The following RGS12 variants were observed in gnomAD, a reference collection of about 807,000 sequenced individuals.
RGS12 encodes regulator of G protein signaling 12.
RGS12 carries 66 observed loss-of-function variants against 120.1 expected under a neutral mutation model. The ratio of observed to expected loss-of-function variants is 0.55; its 90% confidence interval spans 0.45 to 0.67. The LOEUF (loss-of-function observed/expected upper bound fraction) is 0.67, where lower values mean the gene tolerates loss of function less well. RGS12 is among the 30% of genes least tolerant of loss of function. RGS12 has a pLI of 0.00. For synonymous variants in RGS12, 827 were observed against 804.7 expected, an observed-to-expected ratio of 1.03 and a Z score of -0.47; for missense variants, 1,859 against 1,957.7, an observed-to-expected ratio of 0.95 and a Z score of 0.95.
At chr4:3,432,202 T>A in intron 17 of RGS12, 1 of 972,124 alleles carries the variant, frequency 1.0e-6, no homozygotes, top group Middle Eastern at 5.3e-4. Flanking sequence ...TTCTTTCTCA[T>A]TTGAAACTTT....
chr4:3,355,146 G>C (rs74760030), intron 3 of RGS12, among the ~76,000 whole-genome samples: 4,894 of 152,202 alleles, frequency 0.032, 240 homozygotes, highest in African/African-American at 0.11. Context: ...ATTTGAAAAT[G>C]AATCAATTTA....
upstream of RGS12, among the ~76,000 whole-genome samples, chr4:3,291,329 G>A (rs941489831): frequency 1.3e-5 from 2 of 151,028 alleles, no homozygotes; most frequent in East Asian, 2.0e-4. Context: ...CCAGGGTGGG[G>A]GCAGTTTCTT....
intron 9 of RGS12, chr4:3,420,364 C>T (rs985628494): frequency 1.9e-6 from 1 of 539,170 alleles, no homozygotes. Flanking sequence ...ATGAGCCAAG[C>T]ATGTTTTGGA....
chr4:3,317,520 C>T lies in RGS12; in HGVS notation c.1350C>T (p.His450=), dbSNP rs544045045. ...ACCTGGGTGGGAGCTCGAGCAGACA[C>T]GGCCCCGGAGGCAGCGCGTGGGACG... The part of the protein sequence containing the change: ...VVDLGGSSSR[H]GPGGSAWDGV... Residue 450 remains histidine (H), a synonymous_variant, in exon 2 of 18, where the codon CAC becomes CAT. Coordinates refer to ENST00000336727, the MANE Select transcript of RGS12 (RefSeq NM_001394154.1). 2.6e-5 allele frequency: 42 copies of T among 1,612,106 alleles called. No individual in the cohort carries two copies. Among genetic ancestry groups the T allele is most frequent in the African/African-American group, 5.3e-5 (4 of 74,938 alleles).
intron 2 of RGS12, among the ~76,000 whole-genome samples, chr4:3,323,817 C>T (rs1014220286): frequency 6.7e-6 from 1 of 149,888 alleles, no homozygotes; most frequent in African/African-American, 2.5e-5. Context: ...AATTGCTCAC[C>T]AAAGAGGTTT....
At chr4:3,383,556 A>G (rs368096367) in intron 3 of RGS12, among the ~76,000 whole-genome samples, 17 of 152,150 alleles carry the variant, frequency 1.1e-4, no homozygotes, top group African/African-American at 3.6e-4. Context: ...GCAATGAGCC[A>G]TCATTATGCC....
At chr4:3,302,763 G>C (rs1194758252) in intron 1 of RGS12, among the ~76,000 whole-genome samples, 1 of 152,202 alleles carries the variant, frequency 6.6e-6, no homozygotes, top group East Asian at 1.9e-4. Flanking sequence ...GAGGCTGGGG[G>C]TGTTGGAGGA....
At chr4:3,335,295 G>A (rs958922616) in intron 2 of RGS12, among the ~76,000 whole-genome samples, 5 of 152,144 alleles carry the variant, frequency 3.3e-5, no homozygotes, top group Admixed American at 6.5e-5. Flanking sequence ...AACCATTGCT[G>A]TAAGTTTGTC....
At chr4:3,423,683 T>G in intron 13 of RGS12, 42 bp downstream of exon 13, 1 of 1,580,816 alleles carries the variant, frequency 6.3e-7, no homozygotes, top group African/African-American at 1.3e-5. Flanking sequence ...CCGCAGGCAC[T>G]GTCTGTTCCC....
intron 17 of RGS12, among the ~76,000 whole-genome samples, chr4:3,438,747 G>A (rs777014203): frequency 3.0e-4 from 45 of 152,262 alleles, no homozygotes; most frequent in Non-Finnish European, 4.7e-4. Context: ...TTCCAAGGCC[G>A]GTTCAGGCAG....
At chr4:3,332,269 G>A (rs553786076) in intron 2 of RGS12, among the ~76,000 whole-genome samples, 19 of 152,286 alleles carry the variant, frequency 1.2e-4, no homozygotes, top group South Asian at 2.1e-4. Context: ...AATCGGTGGC[G>A]GTGTATTGAT....
intron 3 of RGS12, among the ~76,000 whole-genome samples, chr4:3,343,737 C>T (rs1281133474): frequency 6.6e-6 from 1 of 152,086 alleles, no homozygotes; most frequent in Non-Finnish European, 1.5e-5. Context: ...TGGAAATCCT[C>T]TATGCCCCAC....
chr4:3,358,598 C>G (rs1715116846), intron 3 of RGS12, among the ~76,000 whole-genome samples: 1 of 151,706 alleles, frequency 6.6e-6, no homozygotes, highest in South Asian at 2.1e-4. Flanking sequence ...GTGATTTTCC[C>G]TCTTAATTTT....
chr4:3,360,809 G>C (rs1314632867), intron 3 of RGS12, among the ~76,000 whole-genome samples: 1 of 152,146 alleles, frequency 6.6e-6, no homozygotes, highest in East Asian at 1.9e-4. Context: ...AAAGGCCGAC[G>C]GACCCTGAGA....
chr4:3,324,482 G>A (rs756756180), intron 2 of RGS12: 3 of 217,522 alleles, frequency 1.4e-5, no homozygotes, highest in South Asian at 1.2e-4. Context: ...GTGGGCCAGC[G>A]TACGCCATTG....
At position 3,389,618 on chromosome 4, in the gene RGS12, C is replaced by T. The variant is rs1256691151; in HGVS notation, c.2020+3181C>T. Among the ~76,000 whole-genome samples, 1 of 152,220 alleles carries T rather than the reference C, an allele frequency of 6.6e-6. No individual in the cohort carries two copies. Among genetic ancestry groups the T allele is most frequent in the Non-Finnish European group, 1.5e-5 (1 of 68,040 alleles). ...GTGCCAAGAGGCCTGCCAGAATCCC[C>T]TCACCCACTGCAGCCTCCACAGGTG... is the stretch of plus-strand genomic sequence containing the variant. On this transcript the variant is annotated intron_variant, in intron 4 of 17. Coordinates refer to ENST00000336727, the MANE Select transcript of RGS12 (RefSeq NM_001394154.1). This position sits in a 1 kb window ranked among gnomAD's most constrained non-coding sequence, Gnocchi z 5.2.
At chr4:3,425,318 C>A in intron 13 of RGS12, 146 bp from the exon 14 acceptor site, 1 of 720,682 alleles carries the variant, frequency 1.4e-6, no homozygotes, top group Non-Finnish European at 2.5e-6. Flanking sequence ...AGCTTGTGTG[C>A]CTCAGTCAGG....
chr4:3,288,858 G>T (rs768599572), upstream of RGS12, among the ~76,000 whole-genome samples: 6 of 152,118 alleles, frequency 3.9e-5, no homozygotes, highest in Non-Finnish European at 7.4e-5. This position sits in a 1 kb window ranked among gnomAD's most constrained non-coding sequence, Gnocchi z 5.2. Flanking sequence ...AGCTCTCCTT[G>T]TCTCTAATTA....
chr4:3,310,279 TC>T (rs1724305292), intron 1 of RGS12, among the ~76,000 whole-genome samples: 2 of 79,232 alleles, frequency 2.5e-5, no homozygotes, highest in Non-Finnish European at 2.5e-5. Context: ...GGGAACCGTG[TC>T]GGGGAGGAGC....
Sources: allele counts gnomAD v4.1 joint callset (sites outside exome capture counted in the v4.1 genomes callset), GRCh38; gene constraint gnomAD v4.1.1; non-coding constraint Gnocchi (gnomAD v3.1); transcripts MANE v1.5; gene names NCBI Gene and HGNC (gene_info 2026-07-23, HGNC 2026-07-21).